Variants in SPTLC2 observed in about 807,000 individuals in gnomAD.
The protein encoded by SPTLC2 is serine palmitoyltransferase 2.
SPTLC2 carries 21 observed loss-of-function variants against 62.0 expected under a neutral mutation model. The ratio of observed to expected loss-of-function variants is 0.34; its 90% confidence interval spans 0.24 to 0.49. The LOEUF (loss-of-function observed/expected upper bound fraction) is 0.49, where lower values mean the gene tolerates loss of function less well. Among genes scored for constraint, SPTLC2 ranks in the 20% least tolerant of loss-of-function variants. The pLI is 0.99. For synonymous variants in SPTLC2, 261 were observed against 261.8 expected, an observed-to-expected ratio of 1.00 and a Z score of 0.03; for missense variants, 511 against 713.0, an observed-to-expected ratio of 0.72 and a Z score of 3.23.
chr14:77,522,522 T>C (rs1419451273), intron 9 of SPTLC2, among the ~76,000 whole-genome samples: 1 of 152,220 alleles, frequency 6.6e-6, no homozygotes, highest in Non-Finnish European at 1.5e-5. Flanking sequence ...TAAAATCGTA[T>C]CTTTAATCCT....
At chr14:77,569,861 A>ATATACAATATTATATATAT in intron 5 of SPTLC2, among the ~76,000 whole-genome samples, 1 of 144,748 alleles carries the variant, frequency 6.9e-6, no homozygotes. Context: ...TATGTATATA[A>ATATACAATATTATATATAT]ATATATAAAC....
intron 5 of SPTLC2, among the ~76,000 whole-genome samples, chr14:77,569,694 C>A (rs549185499): frequency 6.7e-6 from 1 of 149,548 alleles, no homozygotes; most frequent in Non-Finnish European, 1.5e-5. Context: ...TACCAATCTG[C>A]TGAAATATAA....
intron 4 of SPTLC2, 39 bp from the exon 5 acceptor site, chr14:77,570,547 C>T (rs2079675819): frequency 6.4e-7 from 1 of 1,573,328 alleles, no homozygotes; most frequent in East Asian, 2.4e-5. Context: ...TCACAAAATC[C>T]TGAATTTAAG....
In SPTLC2 at chr14:77,510,052, T is replaced by C. The variant is rs2079324663; in HGVS notation, c.*2232A>G. ...TAACTGCAGTGCAAAAGCTATGTGG[T>C]ATTCCAGTGGGATTCTATGGTAGGA... On this transcript the variant is annotated 3_prime_UTR_variant, in exon 12 of 12. Transcript: ENST00000216484. 2.5e-6 allele frequency: 1 copy of C among 397,554 alleles called. No individual in the cohort carries two copies. Among genetic ancestry groups the C allele is most frequent in the Admixed American group, 4.4e-5 (1 of 22,696 alleles). 24.6% of individuals were successfully genotyped at this position (397,554 alleles called of 1,614,324 possible).
Position 77,552,947 on chromosome 14 carries a change from C to T in SPTLC2, c.1177-725G>A, listed in dbSNP as rs544444195. Among the ~76,000 whole-genome samples the T allele has an allele frequency of 2.6e-5, 4 of 151,954 alleles. No homozygotes were observed. In the East Asian group the frequency reaches 7.7e-4, roughly 29 times the overall value. On this transcript the variant is annotated intron_variant, in intron 8 of 11. Coordinates refer to ENST00000216484, the MANE Select transcript of SPTLC2 (RefSeq NM_004863.4). Reference sequence around the variant, plus strand: ...TGCAGCTCTGTGTGCCTATAAAGCCCATCCTTCTACCCCTAAATAACAGTT... The same window carrying T: ...TGCAGCTCTGTGTGCCTATAAAGCCTATCCTTCTACCCCTAAATAACAGTT...
At chr14:77,603,435 C>CT in intron 1 of SPTLC2, among the ~76,000 whole-genome samples, 1 of 152,312 alleles carries the variant, frequency 6.6e-6, no homozygotes, top group Middle Eastern at 3.4e-3. Context: ...CTGAAATGTA[C>CT]TGGCCTCTCC....
At chr14:77,520,135 C>T (rs545929223) in intron 10 of SPTLC2, among the ~76,000 whole-genome samples, 1 of 49,878 alleles carries the variant, frequency 2.0e-5, no homozygotes, top group Non-Finnish European at 4.4e-5. Flanking sequence ...AAAGGAGACA[C>T]AGCCTTCTTT....
At chr14:77,522,146 T>TAC (rs1388633268) in intron 9 of SPTLC2, among the ~76,000 whole-genome samples, 1 of 152,172 alleles carries the variant, frequency 6.6e-6, no homozygotes, top group Non-Finnish European at 1.5e-5. Flanking sequence ...GTTGTTTCCT[T>TAC]ACAATTCTTT....
At chr14:77,541,370 T>G (rs889894091) in intron 9 of SPTLC2, among the ~76,000 whole-genome samples, 2 of 152,160 alleles carry the variant, frequency 1.3e-5, no homozygotes, top group Admixed American at 6.5e-5. Flanking sequence ...AACAAACTAA[T>G]TCTTACCAAA....
chr14:77,560,064 A>G (rs1156313227), intron 6 of SPTLC2, among the ~76,000 whole-genome samples: 2 of 152,238 alleles, frequency 1.3e-5, no homozygotes, highest in East Asian at 1.9e-4. Flanking sequence ...AAGTTGTTCT[A>G]TATCTAATAA....
rs1364951647 is a variant in SPTLC2, at chr14:77,569,604, C to A, written c.756+780G>T. ...CAATTCTCCTGCTTGAGTTAATCCA[C>A]CACGTTTTCAATATACCATTCCTAA... On this transcript the variant is annotated intron_variant, in intron 5 of 11. Transcript: ENST00000216484. Among the ~76,000 whole-genome samples, 9 of 151,422 alleles carry A rather than the reference C, an allele frequency of 5.9e-5. No homozygotes were observed. The East Asian group carries it at 1.7e-3, about 29-fold the overall frequency.
At chr14:77,529,620 C>CTTTTTTTTTTTTTTTTTT (rs71452856) in intron 9 of SPTLC2, among the ~76,000 whole-genome samples, 2 of 76,048 alleles carry the variant, frequency 2.6e-5, no homozygotes, top group South Asian at 5.7e-4. Context: ...TTCTTTCTTT[C>CTTTTTTTTTTTTTTTTTT]TTTTTTTTTT....
At chr14:77,541,656 G>C (rs545959465) in intron 9 of SPTLC2, among the ~76,000 whole-genome samples, 9 of 152,132 alleles carry the variant, frequency 5.9e-5, no homozygotes, top group Non-Finnish European at 1.2e-4. Flanking sequence ...GCTCTAAAGT[G>C]GGGGGAGAAG....
At chr14:77,513,895 C>A (rs1033263746) in intron 11 of SPTLC2, among the ~76,000 whole-genome samples, 225 of 106,118 alleles carry the variant, frequency 2.1e-3, no homozygotes, top group South Asian at 3.0e-3. Context: ...AACTCTGTCT[C>A]AAAAAAAAAA....
At chr14:77,534,176 TCTCACACACACACACA>T (rs1294233953) in intron 9 of SPTLC2, among the ~76,000 whole-genome samples, 3 of 110,550 alleles carry the variant, frequency 2.7e-5, no homozygotes, top group African/African-American at 1.1e-4. Flanking sequence ...TCTCTCTCTC[TCTCACACACACACACA>T]CACACACACA....
At chr14:77,531,399 T>TTTTTTTCTTCTTCTTCTTCTTC (rs1459240403) in intron 9 of SPTLC2, among the ~76,000 whole-genome samples, 2 of 149,528 alleles carry the variant, frequency 1.3e-5, no homozygotes, top group African/African-American at 5.0e-5. Context: ...CTGAAAGTTA[T>TTTTTTTCTTCTTCTTCTTCTTC]TTCTTCACAG....
intron 9 of SPTLC2, among the ~76,000 whole-genome samples, chr14:77,543,296 G>A (rs538955131): frequency 3.3e-5 from 5 of 152,154 alleles, no homozygotes; most frequent in African/African-American, 1.2e-4. Flanking sequence ...CGAGTGATCC[G>A]CCCACCTTGG....
chr14:77,594,714 C>T (rs1042988087), intron 2 of SPTLC2, among the ~76,000 whole-genome samples: 1 of 152,216 alleles, frequency 6.6e-6, no homozygotes, highest in African/African-American at 2.4e-5. Flanking sequence ...TTCTTCATGC[C>T]TTTGCCTATA....
intron 2 of SPTLC2, among the ~76,000 whole-genome samples, chr14:77,590,311 C>T (rs2079808938): frequency 6.6e-6 from 1 of 152,208 alleles, no homozygotes; most frequent in Non-Finnish European, 1.5e-5. Flanking sequence ...TACCGAGCGT[C>T]TAATATGTGC....
Sources: gnomAD v4.1 joint callset for allele counts (sites outside exome capture counted in the v4.1 genomes callset) on GRCh38, gnomAD v4.1.1 for gene constraint, MANE v1.5 for transcripts, NCBI Gene and HGNC (gene_info 2026-07-23, HGNC 2026-07-21) for gene names.